The following TFPI variants were observed in gnomAD, a reference collection of about 807,000 sequenced individuals.
TFPI encodes the protein tissue factor pathway inhibitor.
TFPI carries 15 observed loss-of-function variants against 34.6 expected under a neutral mutation model. The observed-to-expected ratio is 0.43, with a 90% CI of 0.29 to 0.67. TFPI has a LOEUF of 0.67. TFPI is among the 30% of genes least tolerant of loss of function. The probability of loss-of-function intolerance (pLI) is 0.15; values close to 1 mark genes in which losing one functional copy is unlikely to be tolerated. For missense variants in TFPI, 301 were observed against 364.0 expected, an observed-to-expected ratio of 0.83 and a Z score of 1.41; for synonymous variants, 105 against 120.1, an observed-to-expected ratio of 0.87 and a Z score of 0.82.
intron 2 of TFPI, among the ~76,000 whole-genome samples, chr2:187,501,477 G>GATTTT (rs1219576570): frequency 9.2e-5 from 14 of 151,946 alleles, no homozygotes; most frequent in Non-Finnish European, 1.0e-4. Flanking sequence ...CTAATTAAAG[G>GATTTT]ATTTTATTTT....
intron 6 of TFPI, chr2:187,478,503 G>T: frequency 2.0e-6 from 2 of 995,472 alleles, no homozygotes; most frequent in Non-Finnish European, 2.7e-6. Context: ...CTCACAACTA[G>T]CACGAACTCC....
intron 2 of TFPI, among the ~76,000 whole-genome samples, chr2:187,500,265 A>T (rs960152393): frequency 6.6e-6 from 1 of 152,088 alleles, no homozygotes; most frequent in Non-Finnish European, 1.5e-5. Flanking sequence ...CCCTTTAATG[A>T]TCATAACCAC....
intron 6 of TFPI, among the ~76,000 whole-genome samples, chr2:187,477,078 A>G (rs1046192434): frequency 3.3e-5 from 5 of 152,166 alleles, no homozygotes; most frequent in Non-Finnish European, 2.9e-5. Flanking sequence ...TCTCTGGAGG[A>G]CTTTTATGAC....
chr2:187,548,528 G>C (rs796754488), intron 1 of TFPI, among the ~76,000 whole-genome samples: 5 of 151,984 alleles, frequency 3.3e-5, no homozygotes, highest in African/African-American at 1.2e-4. Context: ...TACATTCTTG[G>C]AGATCATCCA....
At position 187,466,240 on chromosome 2, in the gene TFPI, A is replaced by T. The variant is rs907025246; in HGVS notation, c.*696T>A. The T allele has an allele frequency of 2.0e-5, 3 of 152,102 alleles. No individual in the cohort carries two copies. The highest frequency in any genetic ancestry group is 7.2e-5 in the African/African-American group (3 of 41,418). The allele number at this position is 152,102 out of a possible 1,614,324, so 9.4% of individuals were successfully genotyped here. A position where few individuals can be genotyped will look rare whatever the true frequency, so the allele number is the denominator to read the frequency against. On this transcript the variant is annotated 3_prime_UTR_variant, in exon 8 of 8. Coordinates refer to ENST00000233156, the MANE Select transcript of TFPI (RefSeq NM_006287.6). The stretch of plus-strand genomic sequence containing the variant: ...GTTCTCCTTATCATGAGTTGTATTT[A>T]ACACACAATTATTCAGTCATCTTGA...
intron 6 of TFPI, among the ~76,000 whole-genome samples, chr2:187,472,562 A>C (rs1574365824): frequency 6.6e-6 from 1 of 152,258 alleles, no homozygotes; most frequent in East Asian, 1.9e-4. Flanking sequence ...CCTATTCAAC[A>C]CTTTTTTCTT....
In TFPI at chr2:187,485,007, CAGAA is replaced by C. The variant is rs1445191390; in HGVS notation, c.359-24_359-21del. 6.8e-7 allele frequency: 1 copy of C among 1,467,696 alleles called. No homozygotes were observed. Among genetic ancestry groups the C allele is most frequent in the Non-Finnish European group, 9.0e-7 (1 of 1,109,216 alleles). The allele number at this position is 1,467,696 out of a possible 1,614,324, so 90.9% of individuals were successfully genotyped here. A position where few individuals can be genotyped will look rare whatever the true frequency, so the allele number is the denominator to read the frequency against. On this transcript the variant is annotated intron_variant, in intron 4 of 7. Transcript: ENST00000233156. ...GCTTTTCTAGAAATTATAAAAATGT[CAGAA>C]AGCAATATTCTTTTGTGTAAATAAA...
intron 2 of TFPI, among the ~76,000 whole-genome samples, chr2:187,499,011 C>A (rs1685671568): frequency 6.6e-6 from 1 of 151,774 alleles, no homozygotes; most frequent in African/African-American, 2.4e-5. Context: ...TAATTTTAAA[C>A]CAATAACAGT....
chr2:187,490,705 A>G (rs1368549946), intron 3 of TFPI, among the ~76,000 whole-genome samples: 1 of 151,876 alleles, frequency 6.6e-6, no homozygotes, highest in East Asian at 1.9e-4. Context: ...TGACTGGACC[A>G]TTAAATTTTA....
In TFPI at chr2:187,488,222, T is replaced by G; in HGVS notation, c.358+115A>C. The G allele has an allele frequency of 4.1e-6, 3 of 728,386 alleles. No individual in the cohort carries two copies. In the South Asian group the frequency reaches 6.3e-5, roughly 15 times the overall value. The allele number at this position is 728,386 out of a possible 1,614,324, so 45.1% of individuals were successfully genotyped here. On this transcript the variant is annotated intron_variant, in intron 4 of 7. Coordinates refer to ENST00000233156, the MANE Select transcript of TFPI (RefSeq NM_006287.6). ...ATCAATCTCAGAGAAACTTAAGAAT[T>G]GAATATCTATACTGAATCAGGGACC...
At position 187,523,674 on chromosome 2, in the gene TFPI, AGTT is replaced by A. The variant is rs532824732; in HGVS notation, c.-2-19907_-2-19905del. On this transcript the variant is annotated intron_variant, in intron 1 of 7. Coordinates refer to ENST00000233156, the MANE Select transcript of TFPI (RefSeq NM_006287.6). ...GCATAGTGACACATATCCACAGAAT[AGTT>A]GTAGTATCATACAGAATATTTTCCT... Among the ~76,000 whole-genome samples the A allele has an allele frequency of 3.6e-3, 544 of 152,266 alleles. 1 individual carries two copies. Among genetic ancestry groups the A allele is most frequent in the Admixed American group, 6.6e-3 (101 of 15,302 alleles).
At chr2:187,496,478 C>T (rs796484440) in intron 3 of TFPI, among the ~76,000 whole-genome samples, 1 of 152,224 alleles carries the variant, frequency 6.6e-6, no homozygotes, top group African/African-American at 2.4e-5. Context: ...ATTCTTTGAA[C>T]ATGAGTTGAG....
At chr2:187,551,888 A>G (rs1293885727) in intron 1 of TFPI, among the ~76,000 whole-genome samples, 4 of 152,268 alleles carry the variant, frequency 2.6e-5, no homozygotes, top group East Asian at 1.9e-4. Context: ...GTTAATTGCT[A>G]TAGATGGTAA....
chr2:187,475,397 G>A (rs1017820313), intron 6 of TFPI, among the ~76,000 whole-genome samples: 5 of 152,000 alleles, frequency 3.3e-5, no homozygotes, highest in African/African-American at 1.2e-4. Flanking sequence ...TCAGATCAAG[G>A]TTACAGACTT....
At chr2:187,468,067 A>C in intron 6 of TFPI, 135 bp from the exon 7 acceptor site, 1 of 672,086 alleles carries the variant, frequency 1.5e-6, no homozygotes, top group Non-Finnish European at 2.2e-6. Context: ...GTATTTAATA[A>C]AATTCGTGCA....
chr2:187,515,612 A>G (rs1559136741), intron 1 of TFPI: 1 of 152,150 alleles, frequency 6.6e-6, no homozygotes, highest in Non-Finnish European at 1.5e-5. Context: ...GAGGAAACTC[A>G]TCATGGGACT....
At chr2:187,482,898 A>G (rs1397903328) in intron 6 of TFPI, among the ~76,000 whole-genome samples, 1 of 151,940 alleles carries the variant, frequency 6.6e-6, no homozygotes, top group Admixed American at 6.6e-5. Flanking sequence ...AGTTATTAAA[A>G]GCACATATTA....
intron 3 of TFPI, among the ~76,000 whole-genome samples, chr2:187,491,474 T>G (rs553328400): frequency 6.6e-6 from 1 of 152,226 alleles, no homozygotes; most frequent in East Asian, 1.9e-4. Flanking sequence ...GTTATTTCAC[T>G]TAAGATAATA....
At chr2:187,504,991 T>G (rs1686106114) in intron 1 of TFPI, among the ~76,000 whole-genome samples, 1 of 152,074 alleles carries the variant, frequency 6.6e-6, no homozygotes, top group Non-Finnish European at 1.5e-5. Context: ...TGATTTTTAG[T>G]CAGTAGAGAT....
Sources: allele counts gnomAD v4.1 joint callset (sites outside exome capture counted in the v4.1 genomes callset), GRCh38; gene constraint gnomAD v4.1.1; transcripts MANE v1.5; gene names NCBI Gene and HGNC (gene_info 2026-07-23, HGNC 2026-07-21).